The following FAM228B variants were observed in gnomAD, a reference collection of about 807,000 sequenced individuals.
FAM228B encodes protein FAM228B.
Under a neutral mutation model 42.6 loss-of-function variants are expected in FAM228B, and 38 were observed. The ratio of observed to expected loss-of-function variants is 0.89; its 90% CI spans 0.69 to 1.17. FAM228B has a LOEUF of 1.17. Among genes scored for constraint, FAM228B ranks in the 50% most tolerant of loss-of-function variants. The probability of loss-of-function intolerance (pLI) is 0.00; values close to 1 mark genes in which losing one functional copy is unlikely to be tolerated. For missense variants in FAM228B, 344 were observed against 367.3 expected (o/e 0.94, Z 0.52); for synonymous variants, 109 against 122.3 (o/e 0.89, Z 0.72).
In FAM228B at chr2:24,156,335, C is replaced by G. The variant is rs1310331534; in HGVS notation, c.687-5171C>G. On this transcript the variant is annotated intron_variant, in intron 7 of 10. Coordinates refer to ENST00000615575, the MANE Select transcript of FAM228B (RefSeq NM_001145710.2). Reference sequence around the variant, plus strand: ...GTCATATCCATTCCTAAATCTCCTTCTAATTTGCCCCTTCTGGCCAGGCGT... The same window carrying G: ...GTCATATCCATTCCTAAATCTCCTTGTAATTTGCCCCTTCTGGCCAGGCGT... Among the ~76,000 whole-genome samples the G allele has an allele frequency of 3.3e-5, 5 of 152,194 alleles. No homozygotes were observed. The East Asian group carries it at 9.7e-4, about 29-fold the overall frequency.
At chr2:24,131,642 T>C (rs771139433) in intron 2 of FAM228B, among the ~76,000 whole-genome samples, 1 of 152,152 alleles carries the variant, frequency 6.6e-6, no homozygotes, top group Non-Finnish European at 1.5e-5. Flanking sequence ...CTGTTGTTGA[T>C]GTATAGGGAA....
chr2:24,115,492 T>C (rs1665883814), intron 3 of FAM228B: 1 of 1,135,550 alleles, frequency 8.8e-7, no homozygotes. Context: ...GCCTTCTGTC[T>C]AGTGTTTTTT....
chr2:24,124,743 G>GTATT (rs578143510), intron 2 of FAM228B, among the ~76,000 whole-genome samples: 9 of 152,104 alleles, frequency 5.9e-5, no homozygotes, highest in African/African-American at 1.4e-4. Context: ...TTGATATGAT[G>GTATT]TATTTATTTA....
intron 4 of FAM228B, among the ~76,000 whole-genome samples, chr2:24,138,586 C>T (rs146267778): frequency 7.8e-4 from 119 of 151,978 alleles, no homozygotes; most frequent in African/African-American, 2.7e-3. Context: ...CTGCCTGCCT[C>T]GGCCTCCCAA....
At chr2:24,146,670 G>A in intron 5 of FAM228B, 78 bp from the exon 6 acceptor site, 2 of 923,376 alleles carry the variant, frequency 2.2e-6, no homozygotes, top group Non-Finnish European at 1.6e-6. Context: ...CCATCCATAT[G>A]TGGATGCTTA....
Position 24,123,549 on chromosome 2 carries a change from C to T in FAM228B, c.-33+16C>T, listed in dbSNP as rs1225127550. 1 of 152,076 alleles carries T rather than the reference C, an allele frequency of 6.6e-6. No homozygotes were observed. Among genetic ancestry groups the T allele is most frequent in the Non-Finnish European group, 1.5e-5 (1 of 68,014 alleles). 9.4% of individuals were successfully genotyped at this position (152,076 alleles called of 1,614,324 possible). ...CCGGGAGACGGTGGGCGCCAACATT[C>T]GCGCGTTCCGCAGACGCGGGCGGGC... On this transcript the variant is annotated intron_variant, in intron 1 of 10. Transcript: ENST00000615575.
chr2:24,168,407 G>C (rs570958978), intron 10 of FAM228B, among the ~76,000 whole-genome samples: 5 of 152,220 alleles, frequency 3.3e-5, no homozygotes, highest in Non-Finnish European at 7.3e-5. Context: ...CAGAGGCCCA[G>C]TAGAGAAAGG....
chr2:24,142,528 A>C (rs1666777784), intron 5 of FAM228B: 1 of 152,214 alleles, frequency 6.6e-6, no homozygotes, highest in South Asian at 2.1e-4. Flanking sequence ...TGCGAACAGC[A>C]CTTCTGCTGC....
chr2:24,165,261 C>A, intron 9 of FAM228B: 1 of 419,108 alleles, frequency 2.4e-6, no homozygotes. Flanking sequence ...AGGGCTTGTA[C>A]TGGACTCCTC....
chr2:24,091,737 G>A (rs952006747), intron 2 of FAM228B, among the ~76,000 whole-genome samples: 20 of 152,058 alleles, frequency 1.3e-4, no homozygotes, highest in Admixed American at 5.9e-4. Context: ...TCAAAGAACA[G>A]AAACAAGATC....
intron 9 of FAM228B, chr2:24,165,258 G>A (rs951952194): frequency 1.9e-5 from 8 of 415,474 alleles, no homozygotes; most frequent in Middle Eastern, 5.0e-4. Context: ...TGCAGGGCTT[G>A]TACTGGACTC....
intron 2 of FAM228B, among the ~76,000 whole-genome samples, chr2:24,125,223 A>T (rs1666278767): frequency 6.6e-6 from 1 of 151,980 alleles, no homozygotes; most frequent in Non-Finnish European, 1.5e-5. Context: ...TCCACAAACG[A>T]ACGAACAATA....
intron 1 of FAM228B, among the ~76,000 whole-genome samples, chr2:24,123,983 C>G (rs1443025665): frequency 6.6e-6 from 1 of 152,168 alleles, no homozygotes; most frequent in Non-Finnish European, 1.5e-5. Flanking sequence ...CAGAAAGTTG[C>G]AGTTCTTCCC....
At chr2:24,126,702 C>G (rs1365856393) in intron 2 of FAM228B, among the ~76,000 whole-genome samples, 1 of 151,994 alleles carries the variant, frequency 6.6e-6, no homozygotes, top group Non-Finnish European at 1.5e-5. Flanking sequence ...ACTCTGCCTC[C>G]CCGGTTCACG....
intron 2 of FAM228B, among the ~76,000 whole-genome samples, chr2:24,081,690 G>GC (rs1209872994): frequency 7.3e-6 from 1 of 137,398 alleles, no homozygotes; most frequent in Non-Finnish European, 1.6e-5. Context: ...CCTTGATACT[G>GC]TTTTTTTTTT....
At chr2:24,079,187 T>A in intron 1 of FAM228B, 1 of 476,776 alleles carries the variant, frequency 2.1e-6, no homozygotes, top group Non-Finnish European at 3.8e-6. Flanking sequence ...ATATAGTCAG[T>A]GCTTTCTTCA....
intron 2 of FAM228B, among the ~76,000 whole-genome samples, chr2:24,130,760 C>T (rs1173709738): frequency 6.6e-6 from 1 of 152,068 alleles, no homozygotes; most frequent in Non-Finnish European, 1.5e-5. Context: ...CCTGTTCATT[C>T]CAATGATAGT....
At chr2:24,088,045 T>C (rs1390256068) in intron 2 of FAM228B, among the ~76,000 whole-genome samples, 2 of 151,930 alleles carry the variant, frequency 1.3e-5, no homozygotes, top group African/African-American at 4.8e-5. Flanking sequence ...GTCCGGCCCA[T>C]TTTTGTGGTT....
At chr2:24,132,988 C>G (rs1666491715) in intron 2 of FAM228B, among the ~76,000 whole-genome samples, 1 of 152,148 alleles carries the variant, frequency 6.6e-6, no homozygotes, top group Non-Finnish European at 1.5e-5. Context: ...TTGTGGCATC[C>G]TTTCTTTGGC....
Sources: allele counts gnomAD v4.1 joint callset (sites outside exome capture counted in the v4.1 genomes callset), GRCh38; gene constraint gnomAD v4.1.1; transcripts MANE v1.5; gene names NCBI Gene and HGNC (gene_info 2026-07-23, HGNC 2026-07-21).